Variants in TTC29 observed in about 807,000 individuals in gnomAD.
TTC29 encodes the protein tetratricopeptide repeat domain 29.
In TTC29, 49 loss-of-function variants were observed where a neutral mutation model predicts 58.1. The observed-to-expected ratio is 0.84, with a 90% confidence interval of 0.67 to 1.07. The LOEUF is 1.07. Among genes scored for constraint, TTC29 ranks in the 50% least tolerant of loss-of-function variants. The probability of loss-of-function intolerance (pLI) is 0.00; values close to 1 mark genes in which losing one functional copy is unlikely to be tolerated. For synonymous variants in TTC29, 209 were observed against 196.8 expected, an observed-to-expected ratio of 1.06 and a Z score of -0.52; for missense variants, 582 against 555.6, an observed-to-expected ratio of 1.05 and a Z score of -0.48.
intron 11 of TTC29, among the ~76,000 whole-genome samples, chr4:146,798,610 G>A (rs2150112107): frequency 6.6e-6 from 1 of 152,098 alleles, no homozygotes; most frequent in Non-Finnish European, 1.5e-5. Context: ...TACTGGCCGG[G>A]CTAGGCATGG....
At chr4:146,871,249 T>C (rs1209540741) in intron 7 of TTC29, among the ~76,000 whole-genome samples, 1 of 151,882 alleles carries the variant, frequency 6.6e-6, no homozygotes, top group African/African-American at 2.4e-5. Flanking sequence ...ACCTTCTCAA[T>C]AGATGTAGGA....
intron 7 of TTC29, among the ~76,000 whole-genome samples, chr4:146,872,893 T>G (rs970355017): frequency 3.3e-5 from 5 of 152,072 alleles, no homozygotes; most frequent in African/African-American, 1.2e-4. Context: ...ATAATCAAGA[T>G]CTTTGAAAAG....
At chr4:146,845,828 C>G (rs1040617471) in intron 8 of TTC29, among the ~76,000 whole-genome samples, 1 of 152,086 alleles carries the variant, frequency 6.6e-6, no homozygotes, top group Non-Finnish European at 1.5e-5. Context: ...CACACACACA[C>G]ACACACACAC....
intron 4 of TTC29, among the ~76,000 whole-genome samples, chr4:146,932,917 G>A (rs1380660723): frequency 6.6e-6 from 1 of 152,088 alleles, no homozygotes; most frequent in Non-Finnish European, 1.5e-5. Context: ...AATTAGCCAG[G>A]CGTGGTGGCG....
chr4:146,708,463 T>A (rs1007407670), intron 11 of TTC29, among the ~76,000 whole-genome samples: 2 of 149,314 alleles, frequency 1.3e-5, no homozygotes, highest in African/African-American at 4.9e-5. Flanking sequence ...AAATCAAATA[T>A]GGGAAGTTTA....
At chr4:146,865,638 T>A (rs1236711689) in intron 8 of TTC29, among the ~76,000 whole-genome samples, 1 of 152,126 alleles carries the variant, frequency 6.6e-6, no homozygotes, top group Non-Finnish European at 1.5e-5. Context: ...AATCTGCACA[T>A]GTACCCCTGA....
At chr4:146,843,737 T>C (rs1728995110) in intron 8 of TTC29, among the ~76,000 whole-genome samples, 3 of 152,182 alleles carry the variant, frequency 2.0e-5, no homozygotes, top group Admixed American at 6.5e-5. Flanking sequence ...ATCAAACATA[T>C]GTCCTAATTG....
At chr4:146,854,799 A>T (rs996323824) in intron 8 of TTC29, among the ~76,000 whole-genome samples, 1 of 152,230 alleles carries the variant, frequency 6.6e-6, no homozygotes, top group Middle Eastern at 3.4e-3. Flanking sequence ...CTAACTTTCT[A>T]ATGTTTTGCC....
intron 8 of TTC29, among the ~76,000 whole-genome samples, chr4:146,860,566 C>T (rs1008665180): frequency 1.3e-5 from 2 of 152,038 alleles, no homozygotes; most frequent in African/African-American, 4.8e-5. Flanking sequence ...GCAGCATATA[C>T]AGCATGGATA....
intron 4 of TTC29, among the ~76,000 whole-genome samples, chr4:146,932,768 G>A (rs906847880): frequency 2.0e-5 from 3 of 152,056 alleles, no homozygotes; most frequent in African/African-American, 7.2e-5. Flanking sequence ...TAAAAGATAT[G>A]AAAGTAGGCC....
chr4:146,708,341 T>TATGTATATATATATATATATATAC, intron 11 of TTC29, among the ~76,000 whole-genome samples: 1 of 62,858 alleles, frequency 1.6e-5, no homozygotes, highest in East Asian at 6.4e-4. Flanking sequence ...TATATATATA[T>TATGTATATATATATATATATATAC]ATATATATAT....
chr4:146,857,363 G>A (rs972711904), intron 8 of TTC29, among the ~76,000 whole-genome samples: 5 of 151,766 alleles, frequency 3.3e-5, no homozygotes, highest in African/African-American at 1.2e-4. Context: ...ATCTGTAACA[G>A]CTGCTCCTTT....
chr4:146,826,473 T>C (rs1426067858), intron 9 of TTC29, among the ~76,000 whole-genome samples: 1 of 152,164 alleles, frequency 6.6e-6, no homozygotes, highest in Non-Finnish European at 1.5e-5. Context: ...TCTGCTGAGA[T>C]GTCTGCTGTT....
chr4:146,933,161 C>T lies in TTC29; in HGVS notation c.176+4433G>A, dbSNP rs201574629. On this transcript the variant is annotated intron_variant, in intron 4 of 12. Transcript: ENST00000325106. ...TCCTAACTGCCACTAAGCTTGCTGACAAAGTGATGCTCAATAAACATCCAC... is the reference window on the plus strand; with the variant it reads ...TCCTAACTGCCACTAAGCTTGCTGATAAAGTGATGCTCAATAAACATCCAC... Among the ~76,000 whole-genome samples the T allele has an allele frequency of 5.3e-5, 8 of 152,204 alleles. No homozygotes were observed. The East Asian group carries it at 1.5e-3, about 29-fold the overall frequency.
intron 11 of TTC29, among the ~76,000 whole-genome samples, chr4:146,725,545 A>T (rs1336886648): frequency 6.6e-6 from 1 of 152,196 alleles, no homozygotes. Flanking sequence ...TCAAAAAAAC[A>T]GTTACTGGAA....
At chr4:146,892,682 A>G (rs1561226829) in intron 6 of TTC29, among the ~76,000 whole-genome samples, 3 of 152,210 alleles carry the variant, frequency 2.0e-5, no homozygotes. Context: ...AGTTCTGGCC[A>G]GGGCAATCAG....
At chr4:146,792,002 G>A (rs1001279003) in intron 11 of TTC29, among the ~76,000 whole-genome samples, 1 of 152,174 alleles carries the variant, frequency 6.6e-6, no homozygotes, top group African/African-American at 2.4e-5. Context: ...AGCAGAAATT[G>A]GTTAAGAGAA....
At chr4:146,795,848 G>A (rs1029993462) in intron 11 of TTC29, among the ~76,000 whole-genome samples, 2 of 152,142 alleles carry the variant, frequency 1.3e-5, no homozygotes, top group African/African-American at 4.8e-5. Flanking sequence ...TTCTAGCAAT[G>A]GTAGAAAGCA....
At chr4:146,932,846 G>C (rs886845273) in intron 4 of TTC29, among the ~76,000 whole-genome samples, 1 of 152,006 alleles carries the variant, frequency 6.6e-6, no homozygotes, top group African/African-American at 2.4e-5. Flanking sequence ...CACAAGGTCA[G>C]GAGATAGAGA....
Sources: allele counts gnomAD v4.1 joint callset (sites outside exome capture counted in the v4.1 genomes callset), GRCh38; gene constraint gnomAD v4.1.1; transcripts MANE v1.5; gene names NCBI Gene and HGNC (gene_info 2026-07-23, HGNC 2026-07-21).